Variants in NCKAP5 observed in about 807,000 individuals in gnomAD.
The protein encoded by NCKAP5 is nck-associated protein 5.
In NCKAP5, 92 loss-of-function variants were observed where a neutral mutation model predicts 167.0. That is an observed-to-expected ratio of 0.55 (90% CI 0.47 to 0.66). The LOEUF (loss-of-function observed/expected upper bound fraction) is 0.66, where lower values mean the gene tolerates loss of function less well. Among genes scored for constraint, NCKAP5 ranks in the 30% least tolerant of loss-of-function variants. NCKAP5 has a pLI of 0.00. For missense variants in NCKAP5, 2,378 were observed against 2,315.0 expected, an observed-to-expected ratio of 1.03 and a Z score of -0.56; for synonymous variants, 891 against 877.4, an observed-to-expected ratio of 1.02 and a Z score of -0.27.
chr2:133,130,146 G>A (rs2082550550), intron 5 of NCKAP5, 35 bp from the exon 6 acceptor site: 2 of 1,578,204 alleles, frequency 1.3e-6, no homozygotes, highest in Non-Finnish European at 1.7e-6. Flanking sequence ...CTTTTAGGAA[G>A]GTGTTTATGA....
chr2:133,669,303 T>C, the NCKAP5 span, among the ~76,000 whole-genome samples: 13 of 152,142 alleles, frequency 8.5e-5, no homozygotes, highest in African/African-American at 2.9e-4. Flanking sequence ...ATTTCCTGAG[T>C]TCTAGAAACA....
At chr2:132,823,787 C>T (rs1009258973) in intron 11 of NCKAP5, among the ~76,000 whole-genome samples, 2 of 152,122 alleles carry the variant, frequency 1.3e-5, no homozygotes, top group Non-Finnish European at 2.9e-5. Context: ...AATCCATCAA[C>T]CATGTATCTG....
intron 19 of NCKAP5, among the ~76,000 whole-genome samples, chr2:132,675,849 A>G (rs1684382048): frequency 2.0e-5 from 3 of 152,230 alleles, no homozygotes; most frequent in Admixed American, 2.0e-4. Context: ...TTTAAAAAAA[A>G]AAAAAAGCAA....
chr2:133,118,983 G>A (rs2082169171), intron 6 of NCKAP5: 1 of 152,074 alleles, frequency 6.6e-6, no homozygotes, highest in South Asian at 2.1e-4. Context: ...GAAAAATGGT[G>A]GTTGCCCAGT....
chr2:133,086,825 A>C (rs1023375701), intron 6 of NCKAP5, among the ~76,000 whole-genome samples: 2 of 152,200 alleles, frequency 1.3e-5, no homozygotes, highest in Non-Finnish European at 2.9e-5. Context: ...ATTTGTTGAA[A>C]GTTTAGGGAA....
chr2:133,042,636 T>A (rs1482770042), intron 6 of NCKAP5, among the ~76,000 whole-genome samples: 1 of 152,204 alleles, frequency 6.6e-6, no homozygotes, highest in Non-Finnish European at 1.5e-5. Context: ...TATAAACTGA[T>A]CTAGATGTTG....
chr2:132,953,421 T>A (rs1443048377), intron 8 of NCKAP5, among the ~76,000 whole-genome samples: 3 of 152,238 alleles, frequency 2.0e-5, no homozygotes, highest in Non-Finnish European at 4.4e-5. Context: ...CTGAGCCTTG[T>A]ACACACCTTA....
At chr2:133,476,966 C>G (rs1423773438) in intron 3 of NCKAP5, among the ~76,000 whole-genome samples, 1 of 152,114 alleles carries the variant, frequency 6.6e-6, no homozygotes, top group Non-Finnish European at 1.5e-5. Flanking sequence ...TTTGAAATGA[C>G]CCAGGCTACC....
chr2:132,719,841 C>T (rs753400374), intron 19 of NCKAP5, among the ~76,000 whole-genome samples: 1 of 152,160 alleles, frequency 6.6e-6, no homozygotes, highest in Non-Finnish European at 1.5e-5. Flanking sequence ...GATGGCGAGA[C>T]ATTCAGTGAA....
At chr2:133,656,564 C>T in the NCKAP5 span, among the ~76,000 whole-genome samples, 11 of 152,100 alleles carry the variant, frequency 7.2e-5, no homozygotes, top group African/African-American at 1.2e-4. Flanking sequence ...AAATTCCTAA[C>T]CCCTCTCCTC....
intron 5 of NCKAP5, among the ~76,000 whole-genome samples, chr2:133,179,093 C>G (rs1324331723): frequency 6.6e-6 from 1 of 152,086 alleles, no homozygotes; most frequent in African/African-American, 2.4e-5. Context: ...CCACTGCACT[C>G]TAGGCTGGGT....
At chr2:133,556,813 G>A (rs1365695301) in intron 2 of NCKAP5, 1 of 152,198 alleles carries the variant, frequency 6.6e-6, no homozygotes, top group African/African-American at 2.4e-5. Context: ...GAGAGATGGA[G>A]ACTACTATTA....
Position 133,411,562 on chromosome 2 carries a change from G to A in NCKAP5, c.69+105896C>T, listed in dbSNP as rs144877257. ...GGGCAGGCAGCTTTGGTTAGGATACGTGGAGACTTTGAGATTTCAGAGTAA... is the reference window on the plus strand; with the variant it reads ...GGGCAGGCAGCTTTGGTTAGGATACATGGAGACTTTGAGATTTCAGAGTAA... On this transcript the variant is annotated intron_variant, in intron 3 of 19. Coordinates refer to ENST00000409261, the MANE Select transcript of NCKAP5 (RefSeq NM_207363.3). Among the ~76,000 whole-genome samples, 267 of 152,300 alleles carry A rather than the reference G, an allele frequency of 1.8e-3. 1 individual carries two copies. Among genetic ancestry groups the A allele is most frequent in the Non-Finnish European group, 2.4e-3 (166 of 68,034 alleles).
At chr2:133,287,452 G>C (rs905135480) in intron 4 of NCKAP5, among the ~76,000 whole-genome samples, 1 of 152,196 alleles carries the variant, frequency 6.6e-6, no homozygotes, top group Non-Finnish European at 1.5e-5. Flanking sequence ...CAGGAAGTCT[G>C]AATTTCTAGA....
chr2:132,781,089 T>C lies in NCKAP5; in HGVS notation c.5012A>G (p.Lys1671Arg). ...TGGTACTTCCATATCGGCTTTGATT[T>C]TCATGTTTTTCTTGTGGTTTCCTTG... is the stretch of plus-strand genomic sequence containing the variant. ...STQGNHKKNM[K>R]IKADMEVPKD... The change falls in exon 15 of 20, where the codon AAA becomes AGA. Residue 1671 changes from lysine to arginine, a missense_variant. Lys to Arg is a conservative substitution (Grantham distance 26). Coordinates refer to ENST00000409261, the MANE Select transcript of NCKAP5 (RefSeq NM_207363.3). 6.2e-7 allele frequency: 1 copy of C among 1,613,766 alleles called. No homozygotes were observed. The highest frequency in any genetic ancestry group is 1.3e-5 in the African/African-American group (1 of 75,038).
At chr2:133,164,130 T>A (rs764579203) in intron 5 of NCKAP5, among the ~76,000 whole-genome samples, 2 of 152,208 alleles carry the variant, frequency 1.3e-5, no homozygotes, top group Non-Finnish European at 2.9e-5. Context: ...GTTCACTGTG[T>A]ACAGGTCCAT....
At chr2:133,210,174 A>ATAATATAATATAATATAAT (rs1408788335) in intron 5 of NCKAP5, among the ~76,000 whole-genome samples, 1 of 30,720 alleles carries the variant, frequency 3.3e-5, no homozygotes, top group Non-Finnish European at 6.7e-5. Flanking sequence ...TCAAAAATAA[A>ATAATATAATATAATATAAT]TAATATAATA....
intron 5 of NCKAP5, among the ~76,000 whole-genome samples, chr2:133,201,648 A>C (rs1003580875): frequency 5.9e-5 from 9 of 152,196 alleles, no homozygotes; most frequent in African/African-American, 2.2e-4. Context: ...AAGACCATAT[A>C]AACTCATCAA....
chr2:133,516,936 C>A (rs973663322), intron 3 of NCKAP5, among the ~76,000 whole-genome samples: 2 of 152,180 alleles, frequency 1.3e-5, no homozygotes, highest in Non-Finnish European at 2.9e-5. Flanking sequence ...GATTTTCACA[C>A]CGGATAGCAA....
Sources: gnomAD v4.1 joint callset for allele counts (sites outside exome capture counted in the v4.1 genomes callset) on GRCh38, gnomAD v4.1.1 for gene constraint, MANE v1.5 for transcripts, NCBI Gene and HGNC (gene_info 2026-07-23, HGNC 2026-07-21) for gene names.